The following PTPRD variants were observed in gnomAD, a reference collection of about 807,000 sequenced individuals.
The protein encoded by PTPRD is protein tyrosine phosphatase receptor type D, also known as receptor-type tyrosine-protein phosphatase delta.
A neutral mutation model predicts 214.5 loss-of-function variants in PTPRD; 34 were observed. The ratio of observed to expected loss-of-function variants is 0.16; its 90% CI spans 0.12 to 0.21. The LOEUF (loss-of-function observed/expected upper bound fraction) is 0.21. Among genes scored for constraint, PTPRD ranks in the 10% least tolerant of loss-of-function variants. The probability of loss-of-function intolerance (pLI) is 1.00; values close to 1 mark genes in which losing one functional copy is unlikely to be tolerated. For synonymous variants in PTPRD, 1,128 were observed against 845.7 expected (o/e 1.33, Z -5.79); for missense variants, 2,545 against 2,398.7 (o/e 1.06, Z -1.27).
intron 9 of PTPRD, among the ~76,000 whole-genome samples, chr9:9,278,746 G>A (rs1946583185): frequency 6.6e-6 from 1 of 151,352 alleles, no homozygotes; most frequent in African/African-American, 2.4e-5. Context: ...TCTAGAACAT[G>A]CAGTTAATAA....
chr9:9,359,744 A>G (rs963667795), intron 9 of PTPRD, among the ~76,000 whole-genome samples: 1 of 151,180 alleles, frequency 6.6e-6, no homozygotes, highest in African/African-American at 2.4e-5. Context: ...GCTGATAATG[A>G]CTTTATTGAC....
At chr9:9,395,201 A>G (rs577509997) in intron 9 of PTPRD, among the ~76,000 whole-genome samples, 79 of 151,716 alleles carry the variant, frequency 5.2e-4, no homozygotes, top group African/African-American at 1.8e-3. Flanking sequence ...AAAAAAAAAA[A>G]GTATGGGGTC....
chr9:9,174,369 C>A (rs945469243), intron 10 of PTPRD, among the ~76,000 whole-genome samples: 3 of 152,118 alleles, frequency 2.0e-5, no homozygotes, highest in Admixed American at 6.6e-5. Context: ...AGACAGAAAT[C>A]ATCACAACTA....
At chr9:10,297,233 A>C (rs976214277) in intron 3 of PTPRD, among the ~76,000 whole-genome samples, 2 of 151,430 alleles carry the variant, frequency 1.3e-5, no homozygotes, top group Admixed American at 6.6e-5. Flanking sequence ...CTGCATGAGA[A>C]AACTGAATTT....
intron 9 of PTPRD, among the ~76,000 whole-genome samples, chr9:9,238,783 A>T (rs2099968709): frequency 6.6e-6 from 1 of 152,204 alleles, no homozygotes; most frequent in African/African-American, 2.4e-5. Flanking sequence ...CTTCATTTTG[A>T]GAGACCCAAG....
intron 5 of PTPRD, among the ~76,000 whole-genome samples, chr9:9,825,766 CT>C (rs1201606512): frequency 4.0e-5 from 6 of 151,556 alleles, no homozygotes; most frequent in Non-Finnish European, 5.9e-5. Flanking sequence ...CATTTTCTTT[CT>C]TCATGTATCT....
chr9:9,675,714 C>T (rs1385886255), intron 7 of PTPRD, among the ~76,000 whole-genome samples: 6 of 151,870 alleles, frequency 4.0e-5, no homozygotes, highest in Admixed American at 3.9e-4. Flanking sequence ...GAAAATAGGT[C>T]CACCAAAATG....
chr9:8,545,220 G>A (rs905833082), intron 14 of PTPRD, among the ~76,000 whole-genome samples: 10 of 152,026 alleles, frequency 6.6e-5, no homozygotes, highest in African/African-American at 2.4e-4. Context: ...CCAACATCAT[G>A]GATATTATTC....
At chr9:9,642,374 C>T (rs2095994978) in intron 7 of PTPRD, among the ~76,000 whole-genome samples, 1 of 151,044 alleles carries the variant, frequency 6.6e-6, no homozygotes, top group South Asian at 2.1e-4. Context: ...ATGTAACTAA[C>T]CTGCACAATG....
intron 8 of PTPRD, among the ~76,000 whole-genome samples, chr9:9,570,522 T>A (rs2086037207): frequency 6.6e-6 from 1 of 151,566 alleles, no homozygotes; most frequent in Non-Finnish European, 1.5e-5. Context: ...CCTGAAATAT[T>A]TATTTCTATA....
intron 11 of PTPRD, among the ~76,000 whole-genome samples, chr9:8,982,429 G>A (rs976934548): frequency 3.3e-5 from 5 of 151,414 alleles, no homozygotes; most frequent in African/African-American, 4.8e-5. Flanking sequence ...TATCTTAAGC[G>A]AATGCTTCCC....
In PTPRD at chr9:10,583,719, G is replaced by A. The variant is rs1179357788; in HGVS notation, c.-600+28679C>T. ...GGTCTCGATCTCCTGACCTCGTGATGCGCCTGCCTCGGCCTCCCAAAGTGC... is the reference window on the plus strand; with the variant it reads ...GGTCTCGATCTCCTGACCTCGTGATACGCCTGCCTCGGCCTCCCAAAGTGC... On this transcript the variant is annotated intron_variant, in intron 2 of 45. Transcript: ENST00000381196. Among the ~76,000 whole-genome samples, 3 of 151,982 alleles carry A rather than the reference G, an allele frequency of 2.0e-5. No homozygotes were observed. The East Asian group carries it at 5.8e-4, about 29-fold the overall frequency.
rs569179264 is a variant in PTPRD at position 9,399,175 on chromosome 9, G to T, written c.-236-1693C>A. Among the ~76,000 whole-genome samples, 3 of 151,940 alleles carry T rather than the reference G, an allele frequency of 2.0e-5. No individual in the cohort carries two copies. In the South Asian group the frequency reaches 6.2e-4, roughly 31 times the overall value. The stretch of plus-strand genomic sequence containing the variant: ...TGCAATATATTACATATCAAGAGAA[G>T]GTATTACTGAATAATAAAATTTTAA... On this transcript the variant is annotated intron_variant, in intron 8 of 45. Transcript: ENST00000381196.
chr9:10,393,481 G>C (rs1458341765), intron 2 of PTPRD, among the ~76,000 whole-genome samples: 1 of 151,474 alleles, frequency 6.6e-6, no homozygotes, highest in Non-Finnish European at 1.5e-5. Flanking sequence ...AAAAGAGAAA[G>C]AGAAATGTAT....
intron 5 of PTPRD, among the ~76,000 whole-genome samples, chr9:9,856,977 A>G (rs181076340): frequency 9.2e-5 from 14 of 152,308 alleles, no homozygotes; most frequent in Admixed American, 8.5e-4. Context: ...TAATGGACCA[A>G]TGTATTATTT....
intron 8 of PTPRD, among the ~76,000 whole-genome samples, chr9:9,516,953 T>C (rs1297267023): frequency 1.3e-5 from 2 of 152,086 alleles, no homozygotes; most frequent in Non-Finnish European, 2.9e-5. Context: ...ACTATAAATT[T>C]AGGTGATGGC....
chr9:9,368,785 G>A lies in PTPRD; in HGVS notation c.-203+28664C>T, dbSNP rs146625616. 2.0e-3 allele frequency among the ~76,000 whole-genome samples: 301 copies of A among 151,954 alleles called. 2 individuals carry two copies. Among genetic ancestry groups the A allele is most frequent in the African/African-American group, 6.7e-3 (276 of 41,492 alleles). ...AAATTTTATTATTATTATACTTTAAGTTTTAGAGTACATGTGCACAACGTG... is the reference window on the plus strand; with the variant it reads ...AAATTTTATTATTATTATACTTTAAATTTTAGAGTACATGTGCACAACGTG... On this transcript the variant is annotated intron_variant, in intron 9 of 45. Coordinates refer to ENST00000381196, the MANE Select transcript of PTPRD (RefSeq NM_002839.4).
chr9:9,070,529 T>A (rs555058665), intron 10 of PTPRD, among the ~76,000 whole-genome samples: 1 of 152,290 alleles, frequency 6.6e-6, no homozygotes, highest in East Asian at 1.9e-4. Context: ...TTCCTTCACA[T>A]TTTGCCCATT....
chr9:10,522,407 A>G (rs1422653614), intron 2 of PTPRD, among the ~76,000 whole-genome samples: 2 of 152,162 alleles, frequency 1.3e-5, no homozygotes, highest in Non-Finnish European at 2.9e-5. Flanking sequence ...GTGCTTTTCT[A>G]TTAAAGGCTG....
Sources: gnomAD v4.1 joint callset for allele counts (sites outside exome capture counted in the v4.1 genomes callset) on GRCh38, gnomAD v4.1.1 for gene constraint, MANE v1.5 for transcripts, NCBI Gene and HGNC (gene_info 2026-07-23, HGNC 2026-07-21) for gene names.